FAM13A: variants seen among roughly 807,000 people sequenced by gnomAD.
FAM13A encodes family with sequence similarity 13 member A.
Under a neutral mutation model 129.6 loss-of-function variants are expected in FAM13A, and 76 were observed. That is an observed-to-expected ratio of 0.59 (90% CI 0.49 to 0.71). The LOEUF (loss-of-function observed/expected upper bound fraction) is 0.71. Ranked by LOEUF, FAM13A falls within the 30% of genes least tolerant of loss-of-function variation. The pLI is 0.00. For synonymous variants in FAM13A, 443 were observed against 449.9 expected, an observed-to-expected ratio of 0.98 and a Z score of 0.20; for missense variants, 1,108 against 1,249.3, an observed-to-expected ratio of 0.89 and a Z score of 1.70.
At chr4:88,837,950 T>C (rs1176641814) in intron 7 of FAM13A, among the ~76,000 whole-genome samples, 2 of 152,126 alleles carry the variant, frequency 1.3e-5, no homozygotes, top group Non-Finnish European at 2.9e-5. Context: ...CTAAGATCAA[T>C]AATATTTGGG....
intron 6 of FAM13A, among the ~76,000 whole-genome samples, chr4:88,865,081 G>A (rs1238995155): frequency 6.6e-6 from 1 of 152,112 alleles, no homozygotes; most frequent in Non-Finnish European, 1.5e-5. Context: ...CATGGATTAA[G>A]CAAATATGAG....
intron 7 of FAM13A, among the ~76,000 whole-genome samples, chr4:88,822,379 C>G (rs1425425580): frequency 6.6e-6 from 1 of 152,068 alleles, no homozygotes; most frequent in East Asian, 1.9e-4. Flanking sequence ...ATATTATAAT[C>G]ACGAAGGAAC....
intron 3 of FAM13A, among the ~76,000 whole-genome samples, chr4:89,016,913 C>T (rs1032552796): frequency 1.3e-5 from 2 of 152,176 alleles, no homozygotes; most frequent in Admixed American, 6.5e-5. Context: ...GGGTTACAGG[C>T]ATAAGCCACA....
intron 14 of FAM13A, among the ~76,000 whole-genome samples, chr4:88,753,252 A>C (rs994044851): frequency 7.2e-5 from 11 of 152,234 alleles, no homozygotes; most frequent in Non-Finnish European, 1.3e-4. Flanking sequence ...AATTCACTAG[A>C]AAATGCTAAT....
rs1325154417 is a variant in FAM13A at position 88,898,542 on chromosome 4, C to T, written c.843+7837G>A. On this transcript the variant is annotated intron_variant, in intron 6 of 23. Coordinates refer to ENST00000264344, the MANE Select transcript of FAM13A (RefSeq NM_014883.4). ...TTTCTTTAAAAATAAACCATATACT[C>T]TTGCCATAAATTAAACAATAAATAA... is the stretch of plus-strand genomic sequence containing the variant. 2.6e-5 allele frequency among the ~76,000 whole-genome samples: 4 copies of T among 152,072 alleles called. No homozygotes were observed. In the East Asian group the frequency reaches 7.7e-4, roughly 29 times the overall value.
intron 5 of FAM13A, among the ~76,000 whole-genome samples, chr4:88,920,939 G>A (rs1430758019): frequency 1.3e-5 from 2 of 152,152 alleles, no homozygotes; most frequent in Admixed American, 6.5e-5. Flanking sequence ...TCAACTGGAA[G>A]AAAGGGTATC....
chr4:88,959,034 C>T (rs1758205919), intron 4 of FAM13A, among the ~76,000 whole-genome samples: 1 of 152,194 alleles, frequency 6.6e-6, no homozygotes, highest in Non-Finnish European at 1.5e-5. Context: ...TGATTTTTCC[C>T]ATTTAGAATG....
At chr4:88,821,131 G>C (rs1731811258) in intron 7 of FAM13A, among the ~76,000 whole-genome samples, 1 of 152,136 alleles carries the variant, frequency 6.6e-6, no homozygotes, top group South Asian at 2.1e-4. Flanking sequence ...ACGTAAGGGC[G>C]GGAAAGTTTT....
At chr4:88,927,508 A>AT (rs1024313074) in intron 5 of FAM13A, among the ~76,000 whole-genome samples, 4 of 147,704 alleles carry the variant, frequency 2.7e-5, no homozygotes, top group East Asian at 4.0e-4. Context: ...TCTTGGTAGA[A>AT]TTTTTTTTAA....
At chr4:88,889,422 A>C (rs1421364860) in intron 6 of FAM13A, among the ~76,000 whole-genome samples, 1 of 152,166 alleles carries the variant, frequency 6.6e-6, no homozygotes, top group Non-Finnish European at 1.5e-5. Context: ...GCTGGTTGTA[A>C]TGACTGCTTG....
chr4:88,771,265 C>A (rs533997744), intron 11 of FAM13A, among the ~76,000 whole-genome samples: 1 of 146,470 alleles, frequency 6.8e-6, no homozygotes, highest in African/African-American at 2.5e-5. Context: ...AATTTGTATT[C>A]TTTGTCTTGG....
chr4:88,911,390 T>C (rs1010273724), intron 5 of FAM13A, among the ~76,000 whole-genome samples: 5 of 152,262 alleles, frequency 3.3e-5, no homozygotes, highest in South Asian at 2.1e-4. Context: ...CCCTCCCTCA[T>C]GTACAGCAAT....
chr4:89,045,263 G>A (rs1770702718), intron 1 of FAM13A, among the ~76,000 whole-genome samples: 1 of 152,084 alleles, frequency 6.6e-6, no homozygotes, highest in South Asian at 2.1e-4. Flanking sequence ...AGTGAAGACT[G>A]AATTATAAGA....
chr4:89,019,643 C>T (rs1042880002), intron 3 of FAM13A, among the ~76,000 whole-genome samples: 6 of 151,710 alleles, frequency 4.0e-5, no homozygotes, highest in Non-Finnish European at 8.8e-5. Flanking sequence ...TGCCTGTAAT[C>T]CCAGCTACTC....
rs1560886639 is a variant in FAM13A at position 88,749,913 on chromosome 4, T to C, written c.1941-4A>G. 2 of 1,613,102 alleles carry C rather than the reference T, an allele frequency of 1.2e-6. No homozygotes were observed. Among genetic ancestry groups the C allele is most frequent in the Non-Finnish European group, 1.7e-6 (2 of 1,179,894 alleles). On this transcript the variant is annotated splice_polypyrimidine_tract_variant and splice_region_variant and intron_variant, in intron 15 of 23. Transcript: ENST00000264344. ...CCCCAGAGAGGAGCTTCGCCGCCTG[T>C]GAAGAGTACGACTTGGGTCAGTTTC... is the stretch of plus-strand genomic sequence containing the variant.
chr4:88,851,977 G>A (rs1185486222), intron 6 of FAM13A, among the ~76,000 whole-genome samples: 2 of 151,940 alleles, frequency 1.3e-5, no homozygotes, highest in Non-Finnish European at 2.9e-5. Flanking sequence ...TAGAAACCTC[G>A]GATCAATTGT....
intron 1 of FAM13A, among the ~76,000 whole-genome samples, chr4:89,030,126 T>C (rs1768494396): frequency 1.3e-5 from 2 of 152,140 alleles, no homozygotes; most frequent in Admixed American, 1.3e-4. Flanking sequence ...ATAATGACCA[T>C]TATAGTTCTC....
chr4:89,016,963 G>A lies in FAM13A; in HGVS notation c.427+3497C>T, dbSNP rs370359611. On this transcript the variant is annotated intron_variant, in intron 3 of 23. Transcript: ENST00000264344. ...TACCTTTTCAATTTTTAGATATGTT[G>A]AGATACACAAGTGTTTTCTACTGCA... Among the ~76,000 whole-genome samples the A allele has an allele frequency of 2.3e-4, 35 of 152,258 alleles. No individual in the cohort carries two copies. In the East Asian group the frequency reaches 3.9e-3, roughly 17 times the overall value.
At chr4:88,786,402 T>A (rs1410087099) in intron 10 of FAM13A, among the ~76,000 whole-genome samples, 1 of 152,224 alleles carries the variant, frequency 6.6e-6, no homozygotes, top group East Asian at 1.9e-4. Flanking sequence ...GTTAAATGAA[T>A]AATTTGTGCT....
Sources: gnomAD v4.1 joint callset for allele counts (sites outside exome capture counted in the v4.1 genomes callset) on GRCh38, gnomAD v4.1.1 for gene constraint, MANE v1.5 for transcripts, NCBI Gene and HGNC (gene_info 2026-07-23, HGNC 2026-07-21) for gene names.